CEACAM3: variants seen among roughly 807,000 people sequenced by gnomAD.
CEACAM3 encodes cell adhesion molecule CEACAM3.
Under a neutral mutation model 30.1 loss-of-function variants are expected in CEACAM3, and 32 were observed. The observed-to-expected ratio is 1.06, with a 90% CI of 0.80 to 1.43. The LOEUF is 1.43. Ranked by LOEUF, CEACAM3 falls within the 40% of genes most tolerant of loss-of-function variation. The pLI, the probability that CEACAM3 is intolerant of heterozygous loss-of-function variation, is 0.00. For missense variants in CEACAM3, 290 were observed against 316.3 expected (o/e 0.92, Z 0.63); for synonymous variants, 134 against 127.2 (o/e 1.05, Z -0.36).
At chr19:41,810,087 G>T in intron 4 of CEACAM3, 70 bp downstream of exon 4, 1 of 1,481,624 alleles carries the variant, frequency 6.7e-7, no homozygotes, top group South Asian at 1.1e-5. Flanking sequence ...GCTCCTGCCA[G>T]TCACTGCCAG....
Position 41,811,331 on chromosome 19 carries a change from C to A in CEACAM3, c.*94C>A. ...AGGACATGAAGCCTGAGCCAGAGAACCAGCTATAAGTCCTGAGAAGACACT... is the reference window on the plus strand; with the variant it reads ...AGGACATGAAGCCTGAGCCAGAGAAACAGCTATAAGTCCTGAGAAGACACT... On this transcript the variant is annotated 3_prime_UTR_variant, in exon 7 of 7. Transcript: ENST00000357396. 1 of 1,099,610 alleles carries A rather than the reference C, an allele frequency of 9.1e-7. No individual in the cohort carries two copies. Among genetic ancestry groups the A allele is most frequent in the Non-Finnish European group, 1.4e-6 (1 of 723,690 alleles). The allele number at this position is 1,099,610 out of a possible 1,614,324, so 68.1% of individuals were successfully genotyped here.
intron 2 of CEACAM3, among the ~76,000 whole-genome samples, chr19:41,799,994 G>A (rs572069752): frequency 3.9e-5 from 6 of 152,234 alleles, no homozygotes; most frequent in African/African-American, 1.4e-4. Context: ...TTTGTGGGCG[G>A]CAGGTCACCC....
rs1048564344 is a variant in CEACAM3, at chr19:41,800,531, A to G, written c.424+2583A>G. Among the ~76,000 whole-genome samples the G allele has an allele frequency of 3.1e-4, 47 of 152,110 alleles. 2 individuals are homozygous for G. Among genetic ancestry groups the G allele is most frequent in the Non-Finnish European group, 2.9e-5 (2 of 68,002 alleles). On this transcript the variant is annotated intron_variant, in intron 2 of 6. Coordinates refer to ENST00000357396, the MANE Select transcript of CEACAM3 (RefSeq NM_001815.5). ...CCGGAGGCCTAACCGTCTCCCTATG[A>G]TGCTGTGCTTCAGTGGTCACGCTCC... is the stretch of plus-strand genomic sequence containing the variant.
At position 41,796,627 on chromosome 19, in the gene CEACAM3, T is replaced by C; in HGVS notation, c.-51T>C. 5 of 1,604,310 alleles carry C rather than the reference T, an allele frequency of 3.1e-6. No homozygotes were observed. The highest frequency in any genetic ancestry group is 4.3e-6 in the Non-Finnish European group (5 of 1,171,154). ...ACAGTAGCCCTGACTACAGCATTCCTGGAGCCCAGGCTCTTTTCCACAGAG... is the reference window on the plus strand; with the variant it reads ...ACAGTAGCCCTGACTACAGCATTCCCGGAGCCCAGGCTCTTTTCCACAGAG... On this transcript the variant is annotated 5_prime_UTR_variant, in exon 1 of 7. Coordinates refer to ENST00000357396, the MANE Select transcript of CEACAM3 (RefSeq NM_001815.5).
At chr19:41,800,451 T>C (rs2073136980) in intron 2 of CEACAM3, among the ~76,000 whole-genome samples, 1 of 152,072 alleles carries the variant, frequency 6.6e-6, no homozygotes, top group South Asian at 2.1e-4. Flanking sequence ...GAGAAGACTT[T>C]GCTCCTCCAC....
chr19:41,799,987 G>A (rs2073132925), intron 2 of CEACAM3, among the ~76,000 whole-genome samples: 1 of 152,164 alleles, frequency 6.6e-6, no homozygotes, highest in African/African-American at 2.4e-5. Flanking sequence ...GTCCTGGTTT[G>A]TGGGCGGCAG....
chr19:41,797,612 C>T lies in CEACAM3; in HGVS notation c.88C>T (p.Pro30Ser). The T allele has an allele frequency of 6.2e-7, 1 of 1,613,840 alleles. No individual in the cohort carries two copies. The highest frequency in any genetic ancestry group is 8.5e-7 in the Non-Finnish European group (1 of 1,179,820). Reference sequence around the variant, plus strand: ...AGCCTCACTTCTAAACTTCTGGAACCCGCCCACCACTGCCAAGCTCACTAT... The same window carrying T: ...AGCCTCACTTCTAAACTTCTGGAACTCGCCCACCACTGCCAAGCTCACTAT... ...LTASLLNFWN[P>S]PTTAKLTIES... Residue 30 changes from proline to serine, a missense_variant, in exon 2 of 7, where the codon CCG (proline) becomes TCG (serine). Transcript: ENST00000357396.
intron 2 of CEACAM3, among the ~76,000 whole-genome samples, chr19:41,804,267 T>C (rs77021364): frequency 0.93 from 141,612 of 152,210 alleles, 66,034 homozygotes; most frequent in East Asian, 1. Flanking sequence ...GGCCCACTGC[T>C]TGTTCCACAC....
rs188234512 is a variant in CEACAM3, at chr19:41,804,393, T to A, written c.425-4420T>A. Among the ~76,000 whole-genome samples, 12 of 152,254 alleles carry A rather than the reference T, an allele frequency of 7.9e-5. No homozygotes were observed. In the East Asian group the frequency reaches 2.3e-3, roughly 29 times the overall value. On this transcript the variant is annotated intron_variant, in intron 2 of 6. Transcript: ENST00000357396. ...CCCAATTCGGGCTAATTTAATCAAATTCTAGTTGTGTTTCCTGAGGCGTAA... is the reference window on the plus strand; with the variant it reads ...CCCAATTCGGGCTAATTTAATCAAAATCTAGTTGTGTTTCCTGAGGCGTAA...
At chr19:41,798,208 A>G (rs2073119798) in intron 2 of CEACAM3, among the ~76,000 whole-genome samples, 1 of 152,220 alleles carries the variant, frequency 6.6e-6, no homozygotes, top group African/African-American at 2.4e-5. Context: ...TCAGTGTCAG[A>G]AAAGAACCCC....
intron 1 of CEACAM3, 89 bp from the exon 2 acceptor site, chr19:41,797,500 G>T: frequency 1.3e-6 from 2 of 1,501,934 alleles, no homozygotes. Flanking sequence ...CAAGGCTGAA[G>T]GGTGAAGAGA....
intron 2 of CEACAM3, among the ~76,000 whole-genome samples, chr19:41,803,022 A>G (rs2073164535): frequency 6.6e-6 from 1 of 152,038 alleles, no homozygotes; most frequent in Non-Finnish European, 1.5e-5. Flanking sequence ...CCAGAATATC[A>G]TGTCTGGCTT....
chr19:41,809,949 C>T lies in CEACAM3; in HGVS notation c.543-16C>T. ...TTTAACCTGGCACCCTCCCAAATGA[C>T]CCTGACCTTTCCTAGAACCAGCATC... On this transcript the variant is annotated splice_polypyrimidine_tract_variant and intron_variant, in intron 3 of 6. Coordinates refer to ENST00000357396, the MANE Select transcript of CEACAM3 (RefSeq NM_001815.5). 1 of 1,613,800 alleles carries T rather than the reference C, an allele frequency of 6.2e-7. No homozygotes were observed. Among genetic ancestry groups the T allele is most frequent in the African/African-American group, 1.3e-5 (1 of 75,016 alleles).
chr19:41,808,078 C>G (rs1368700470), intron 2 of CEACAM3, among the ~76,000 whole-genome samples: 2 of 152,168 alleles, frequency 1.3e-5, no homozygotes, highest in African/African-American at 4.8e-5. Context: ...TAAAGCCACT[C>G]AGTTTTCTGA....
intron 2 of CEACAM3, among the ~76,000 whole-genome samples, chr19:41,808,167 C>T (rs968197070): frequency 6.6e-6 from 1 of 152,234 alleles, no homozygotes; most frequent in Non-Finnish European, 1.5e-5. Context: ...CCTCTCACTC[C>T]ACCTCTGCAG....
At position 41,808,848 on chromosome 19, in the gene CEACAM3, G is replaced by A. The variant is rs377521292; in HGVS notation, c.460G>A (p.Ala154Thr). 2.5e-5 allele frequency: 40 copies of A among 1,611,340 alleles called. No individual in the cohort carries two copies. The highest frequency in any genetic ancestry group is 6.7e-5 in the Admixed American group (4 of 59,700). ...CCCAGGCCTTCCTGTGGGGGCCGTC[G>A]CCGGCATCGTGACCGGGGTCCTGGT... ...NAPGLPVGAV[A>T]GIVTGVLVGV... is the part of the protein sequence containing the mutation. Residue 154 changes from alanine (A) to threonine (T), a missense_variant, in exon 3 of 7, where the codon GCC (alanine) becomes ACC (threonine). By Grantham distance (58) the Ala-to-Thr change is moderately conservative (BLOSUM62 0). Coordinates refer to ENST00000357396, the MANE Select transcript of CEACAM3 (RefSeq NM_001815.5).
At chr19:41,797,466 C>A in intron 1 of CEACAM3, 123 bp from the exon 2 acceptor site, 1 of 1,303,498 alleles carries the variant, frequency 7.7e-7, no homozygotes, top group Non-Finnish European at 1.1e-6. Flanking sequence ...TGACCTTGAC[C>A]AAGTGGGACA....
intron 2 of CEACAM3, chr19:41,807,244 G>C: frequency 6.2e-7 from 1 of 1,609,136 alleles, no homozygotes; most frequent in Non-Finnish European, 8.5e-7. Flanking sequence ...AGAGCCTCCC[G>C]GTCAGTTCCA....
In CEACAM3 at chr19:41,803,612, G is replaced by A. The variant is rs569175407; in HGVS notation, c.425-5201G>A. ...CTCCCAAATAGCTGGGACCACAGGC[G>A]CCCGCCACCATGCCCGGCTAATTTT... On this transcript the variant is annotated intron_variant, in intron 2 of 6. Coordinates refer to ENST00000357396, the MANE Select transcript of CEACAM3 (RefSeq NM_001815.5). Among the ~76,000 whole-genome samples the A allele has an allele frequency of 2.8e-3, 430 of 151,902 alleles. 5 individuals carry two copies. The highest frequency in any genetic ancestry group is 0.01 in the African/African-American group (420 of 41,436).
Sources: gnomAD v4.1 joint callset for allele counts (sites outside exome capture counted in the v4.1 genomes callset) on GRCh38, gnomAD v4.1.1 for gene constraint, MANE v1.5 for transcripts, NCBI Gene and HGNC (gene_info 2026-07-23, HGNC 2026-07-21) for gene names.